SPRTN: variants seen among roughly 807,000 people sequenced by gnomAD.
SPRTN encodes the protein DNA-dependent metalloprotease SPRTN.
Under a neutral mutation model 31.9 loss-of-function variants are expected in SPRTN, and 11 were observed. That is an observed-to-expected ratio of 0.34 (90% CI 0.22 to 0.57). The LOEUF is 0.57. Among genes scored for constraint, SPRTN ranks in the 20% least tolerant of loss-of-function variants. The probability of loss-of-function intolerance (pLI) is 0.86; values close to 1 mark genes in which losing one functional copy is unlikely to be tolerated. For missense variants in SPRTN, 482 were observed against 590.1 expected, an observed-to-expected ratio of 0.82 and a Z score of 1.90; for synonymous variants, 185 against 212.1, an observed-to-expected ratio of 0.87 and a Z score of 1.11.
chr1:231,350,974 A>G (rs1315013623), intron 3 of SPRTN, among the ~76,000 whole-genome samples: 3 of 152,046 alleles, frequency 2.0e-5, no homozygotes, highest in African/African-American at 7.2e-5. Flanking sequence ...ATTTTTGATC[A>G]TTTACAAATT....
rs549522900 is a variant in SPRTN, at chr1:231,350,233, G to A, written c.451-1071G>A. On this transcript the variant is annotated intron_variant, in intron 3 of 4. Coordinates refer to ENST00000295050, the MANE Select transcript of SPRTN (RefSeq NM_032018.7). ...TAGTGAGTTTAAAACTATCTATAGA[G>A]TTATAGAAAGCTTAGCATTCTTTCC... Among the ~76,000 whole-genome samples, 79 of 152,322 alleles carry A rather than the reference G, an allele frequency of 5.2e-4. No individual in the cohort carries two copies. In the South Asian group the frequency reaches 0.016, roughly 32 times the overall value.
chr1:231,338,838 G>T (rs1399946535), intron 1 of SPRTN, among the ~76,000 whole-genome samples: 1 of 152,106 alleles, frequency 6.6e-6, no homozygotes, highest in East Asian at 1.9e-4. Flanking sequence ...TGGACTCAGG[G>T]CCGTAACAAA....
intron 2 of SPRTN, among the ~76,000 whole-genome samples, chr1:231,341,799 C>T (rs1393262564): frequency 6.6e-6 from 1 of 152,138 alleles, no homozygotes; most frequent in East Asian, 1.9e-4. Flanking sequence ...CCAGCCTGAC[C>T]AACATGGTGA....
chr1:231,340,146 A>C, intron 2 of SPRTN: 1 of 249,542 alleles, frequency 4.0e-6, no homozygotes, highest in South Asian at 4.6e-5. Flanking sequence ...GCGGATCACG[A>C]GGTCAGAAGA....
At chr1:231,340,322 G>T (rs774823944) in intron 2 of SPRTN, among the ~76,000 whole-genome samples, 20 of 152,260 alleles carry the variant, frequency 1.3e-4, no homozygotes, top group Non-Finnish European at 2.8e-4. Context: ...AGCCGAGATC[G>T]CGCCACTGCA....
intron 2 of SPRTN, among the ~76,000 whole-genome samples, chr1:231,346,252 A>G (rs1288367206): frequency 2.3e-5 from 3 of 129,870 alleles, no homozygotes; most frequent in African/African-American, 9.2e-5. Flanking sequence ...GCAGTGGTGC[A>G]TTCTCGGCTC....
chr1:231,349,382 T>G (rs1156483999), intron 3 of SPRTN, among the ~76,000 whole-genome samples: 3 of 152,244 alleles, frequency 2.0e-5, no homozygotes, highest in Non-Finnish European at 2.9e-5. Flanking sequence ...CTTGCAGTTT[T>G]TAAAAAAATC....
chr1:231,349,587 T>G (rs1446302037), intron 3 of SPRTN, among the ~76,000 whole-genome samples: 1 of 152,232 alleles, frequency 6.6e-6, no homozygotes, highest in Non-Finnish European at 1.5e-5. Context: ...GAACACTCCT[T>G]GCTTTTACAG....
At chr1:231,344,040 T>C (rs1408697839) in intron 2 of SPRTN, among the ~76,000 whole-genome samples, 3 of 152,156 alleles carry the variant, frequency 2.0e-5, no homozygotes, top group Admixed American at 1.3e-4. Context: ...ATGATAGATA[T>C]TTAAAAAGTT....
At chr1:231,345,124 T>G (rs1326293201) in intron 2 of SPRTN, among the ~76,000 whole-genome samples, 2 of 149,760 alleles carry the variant, frequency 1.3e-5, no homozygotes, top group African/African-American at 4.9e-5. Context: ...TTTTCTTTTC[T>G]TTCTTTCTTT....
chr1:231,347,825 A>G lies in SPRTN; in HGVS notation c.350A>G (p.Tyr117Cys), dbSNP rs527236213. 1.3e-5 allele frequency: 21 copies of G among 1,613,498 alleles called. No individual in the cohort carries two copies. Among genetic ancestry groups the G allele is most frequent in the Non-Finnish European group, 1.7e-5 (20 of 1,179,892 alleles). ...ETLLHEMIHA[Y>C]LFVTNNDKDR... ...CTCCTGCATGAAATGATACATGCCT[A>G]TTTATTTGTCACTAATAACGACAAA... is the stretch of plus-strand genomic sequence containing the variant. The change falls in exon 3 of 5, where the codon TAT becomes TGT. Residue 117 changes from tyrosine to cysteine, a missense_variant. By Grantham distance (194) the Tyr-to-Cys change is radical. Transcript: ENST00000295050.
At chr1:231,345,654 G>T (rs1465254134) in intron 2 of SPRTN, among the ~76,000 whole-genome samples, 1 of 152,236 alleles carries the variant, frequency 6.6e-6, no homozygotes, top group Non-Finnish European at 1.5e-5. Context: ...AAATGCATTT[G>T]TAATTTTGTT....
At chr1:231,346,361 ATT>A (rs764820603) in intron 2 of SPRTN, among the ~76,000 whole-genome samples, 13 of 129,390 alleles carry the variant, frequency 1.0e-4, no homozygotes, top group Admixed American at 7.7e-5. Context: ...CCCAGCCAAA[ATT>A]TTTTTTTTTT....
In SPRTN at chr1:231,339,883, A is replaced by G; in HGVS notation, c.321+15A>G. 1 of 1,611,756 alleles carries G rather than the reference A, an allele frequency of 6.2e-7. No individual in the cohort carries two copies. The highest frequency in any genetic ancestry group is 8.5e-7 in the Non-Finnish European group (1 of 1,177,924). On this transcript the variant is annotated intron_variant, in intron 2 of 4. Coordinates refer to ENST00000295050, the MANE Select transcript of SPRTN (RefSeq NM_032018.7). ...ATCTTGTAGAGGTATTTTTCGTGTA[A>G]ACTTGCTTCCTAGCGCAGTAATTTA...
chr1:231,344,798 C>T, intron 2 of SPRTN: 1 of 255,320 alleles, frequency 3.9e-6, no homozygotes, highest in Non-Finnish European at 8.9e-6. Flanking sequence ...ATCTTAAATG[C>T]TTTTGTTAAT....
rs147506920 is a variant in SPRTN, at chr1:231,347,844, C to T, written c.369C>T (p.Asn123=). 3.5e-5 allele frequency: 57 copies of T among 1,613,696 alleles called. No homozygotes were observed. The African/African-American group carries it at 4.8e-4, about 14-fold the overall frequency. Reference sequence around the variant, plus strand: ...ATGCCTATTTATTTGTCACTAATAACGACAAAGACCGAGAAGGGCATGGTC... The same window carrying T: ...ATGCCTATTTATTTGTCACTAATAATGACAAAGACCGAGAAGGGCATGGTC... ...MIHAYLFVTN[N]DKDREGHGPE... Residue 123 remains asparagine (N), a synonymous_variant, in exon 3 of 5, where the codon AAC becomes AAT. Coordinates refer to ENST00000295050, the MANE Select transcript of SPRTN (RefSeq NM_032018.7).
chr1:231,340,352 G>T (rs1686844897), intron 2 of SPRTN, among the ~76,000 whole-genome samples: 1 of 152,078 alleles, frequency 6.6e-6, no homozygotes, highest in Non-Finnish European at 1.5e-5. Flanking sequence ...GGGTGACAGA[G>T]CAAGACTCTG....
At chr1:231,342,620 G>A (rs977666002) in intron 2 of SPRTN, among the ~76,000 whole-genome samples, 77 of 151,498 alleles carry the variant, frequency 5.1e-4, no homozygotes, top group African/African-American at 1.7e-3. Flanking sequence ...TAGTAGAGGC[G>A]GGGTTTCACC....
intron 1 of SPRTN, chr1:231,339,493 C>T (rs970902987): frequency 5.4e-5 from 36 of 662,342 alleles, no homozygotes; most frequent in African/African-American, 4.7e-4. Flanking sequence ...GTCCTGGCGT[C>T]TCTAGCAGGT....
Sources: gnomAD v4.1 joint callset for allele counts (sites outside exome capture counted in the v4.1 genomes callset) on GRCh38, gnomAD v4.1.1 for gene constraint, MANE v1.5 for transcripts, NCBI Gene and HGNC (gene_info 2026-07-23, HGNC 2026-07-21) for gene names.